The following SLC16A10 variants were observed in gnomAD, a reference collection of about 807,000 sequenced individuals.
The protein encoded by SLC16A10 is monocarboxylate transporter 10.
In SLC16A10, 27 loss-of-function variants were observed where a neutral mutation model predicts 40.0. The observed-to-expected ratio is 0.67, with a 90% CI of 0.50 to 0.93. The LOEUF (loss-of-function observed/expected upper bound fraction) is 0.93, where lower values mean the gene tolerates loss of function less well. Among genes scored for constraint, SLC16A10 ranks in the 40% least tolerant of loss-of-function variants. The pLI is 0.00. For missense variants in SLC16A10, 529 were observed against 658.2 expected (o/e 0.80, Z 2.15); for synonymous variants, 213 against 249.8 (o/e 0.85, Z 1.39).
At chr6:111,214,857 T>A (rs890188209) in intron 4 of SLC16A10, among the ~76,000 whole-genome samples, 1 of 152,074 alleles carries the variant, frequency 6.6e-6, no homozygotes, top group East Asian at 1.9e-4. Flanking sequence ...CGGTGGCTCA[T>A]GCCTGTAATC....
At chr6:111,100,980 CTCTCTCTCTCTCTATATATA>C (rs1311902216) in intron 1 of SLC16A10, among the ~76,000 whole-genome samples, 2 of 120,064 alleles carry the variant, frequency 1.7e-5, no homozygotes, top group African/African-American at 7.3e-5. Context: ...CTCTCTCTCT[CTCTCTCTCTCTCTATATATA>C]TATATATATA....
At chr6:111,221,660 C>T (rs1472098489) in intron 5 of SLC16A10, among the ~76,000 whole-genome samples, 2 of 150,846 alleles carry the variant, frequency 1.3e-5, no homozygotes, top group Non-Finnish European at 2.9e-5. Context: ...CTGGGAGGAT[C>T]AATTGAGCTT....
intron 1 of SLC16A10, among the ~76,000 whole-genome samples, chr6:111,121,888 G>A (rs1228731890): frequency 6.6e-6 from 1 of 152,204 alleles, no homozygotes; most frequent in Admixed American, 6.5e-5. Context: ...GGCCAGTGGA[G>A]GCTGTTCTAG....
At chr6:111,208,304 G>A (rs1027414665) in intron 4 of SLC16A10, among the ~76,000 whole-genome samples, 3 of 152,044 alleles carry the variant, frequency 2.0e-5, no homozygotes, top group Non-Finnish European at 2.9e-5. Context: ...GATCAATTTC[G>A]GCTGTGCGTG....
chr6:111,139,023 CCTT>C (rs1301745223), intron 1 of SLC16A10, among the ~76,000 whole-genome samples: 1 of 151,638 alleles, frequency 6.6e-6, no homozygotes, highest in East Asian at 1.9e-4. Context: ...CATACTGTGA[CCTT>C]CTGAGATACT....
intron 1 of SLC16A10, among the ~76,000 whole-genome samples, chr6:111,112,017 T>G (rs111709468): frequency 6.6e-6 from 1 of 152,048 alleles, no homozygotes; most frequent in Non-Finnish European, 1.5e-5. Flanking sequence ...TGTATAGATA[T>G]AGATATAGAT....
chr6:111,149,840 A>C (rs193266601), intron 1 of SLC16A10, among the ~76,000 whole-genome samples: 3 of 152,286 alleles, frequency 2.0e-5, no homozygotes, highest in African/African-American at 7.2e-5. Flanking sequence ...AATGTAGGCT[A>C]TGTTAAAATT....
At chr6:111,217,810 C>T (rs560956974) in intron 4 of SLC16A10, among the ~76,000 whole-genome samples, 1 of 152,230 alleles carries the variant, frequency 6.6e-6, no homozygotes, top group Admixed American at 6.5e-5. Context: ...TGACTGTTTC[C>T]TCCTTTTTTG....
chr6:111,105,143 T>C (rs969566359), intron 1 of SLC16A10, among the ~76,000 whole-genome samples: 1 of 152,194 alleles, frequency 6.6e-6, no homozygotes, highest in Admixed American at 6.5e-5. Flanking sequence ...GTAAGTCTTA[T>C]TTTTAAGATG....
chr6:111,176,942 C>A (rs1359076052), intron 2 of SLC16A10, among the ~76,000 whole-genome samples: 1 of 152,156 alleles, frequency 6.6e-6, no homozygotes. Context: ...CACCTGAAAT[C>A]CACAGAAAGA....
chr6:111,118,679 CAA>C (rs74273023), intron 1 of SLC16A10, among the ~76,000 whole-genome samples: 179 of 66,530 alleles, frequency 2.7e-3, no homozygotes, highest in African/African-American at 9.2e-3. Flanking sequence ...GCCTCCGTCT[CAA>C]AAAAAAAAAA....
intron 1 of SLC16A10, 122 bp downstream of exon 1, chr6:111,088,217 T>C: frequency 1.0e-6 from 1 of 993,288 alleles, no homozygotes; most frequent in South Asian, 1.6e-5. Flanking sequence ...TGCCAGAGGG[T>C]GCGAGCAGGG....
chr6:111,191,003 G>T (rs1274787914), intron 3 of SLC16A10, among the ~76,000 whole-genome samples: 3 of 152,126 alleles, frequency 2.0e-5, no homozygotes, highest in South Asian at 2.1e-4. Context: ...CAGAAAATGG[G>T]TTTTTCTTTT....
chr6:111,166,279 C>T (rs1165197262), intron 1 of SLC16A10, among the ~76,000 whole-genome samples: 2 of 127,372 alleles, frequency 1.6e-5, no homozygotes, highest in African/African-American at 2.7e-5. Flanking sequence ...GCATGTCAGG[C>T]TTCTGGGTTC....
intron 1 of SLC16A10, among the ~76,000 whole-genome samples, chr6:111,142,423 G>A (rs1400138790): frequency 2.0e-5 from 3 of 152,156 alleles, no homozygotes; most frequent in Non-Finnish European, 2.9e-5. Context: ...TCTGCTCTGT[G>A]AAAGACAATG....
chr6:111,088,228 G>A lies in SLC16A10; in HGVS notation c.343+133G>A, dbSNP rs1429745989. On this transcript the variant is annotated intron_variant, in intron 1 of 5. Coordinates refer to ENST00000368851, the MANE Select transcript of SLC16A10 (RefSeq NM_018593.5). ...CCTGTGCCAGAGGGTGCGAGCAGGG[G>A]GGTCTTTCGAGTTGCAGACAGAGCC... The A allele has an allele frequency of 4.5e-6, 4 of 881,194 alleles. No individual in the cohort carries two copies. In the East Asian group the frequency reaches 1.2e-4, roughly 27 times the overall value. The allele number at this position is 881,194 out of a possible 1,614,324, so 54.6% of individuals were successfully genotyped here. A position where few individuals can be genotyped will look rare whatever the true frequency, so the allele number is the denominator to read the frequency against.
intron 4 of SLC16A10, among the ~76,000 whole-genome samples, chr6:111,213,162 G>T (rs1206402822): frequency 1.3e-5 from 2 of 152,138 alleles, no homozygotes; most frequent in Non-Finnish European, 2.9e-5. Context: ...TCTGTGACAT[G>T]GACATATTGA....
intron 1 of SLC16A10, among the ~76,000 whole-genome samples, chr6:111,160,382 G>T (rs1772348229): frequency 6.6e-6 from 1 of 152,210 alleles, no homozygotes; most frequent in Non-Finnish European, 1.5e-5. Flanking sequence ...GGTATTACAG[G>T]CATGTGCCAC....
intron 1 of SLC16A10, among the ~76,000 whole-genome samples, chr6:111,115,506 G>A (rs1771469867): frequency 6.6e-6 from 1 of 152,242 alleles, no homozygotes. Context: ...ACTGTGCCCG[G>A]CCTGGAAAAA....
Sources: allele counts gnomAD v4.1 joint callset (sites outside exome capture counted in the v4.1 genomes callset), GRCh38; gene constraint gnomAD v4.1.1; transcripts MANE v1.5; gene names NCBI Gene and HGNC (gene_info 2026-07-23, HGNC 2026-07-21).